Variants in TCF12 observed in about 807,000 individuals in gnomAD.
The protein encoded by TCF12 is transcription factor 12.
Under a neutral mutation model 86.0 loss-of-function variants are expected in TCF12, and 45 were observed. The ratio of observed to expected loss-of-function variants is 0.52; its 90% CI spans 0.41 to 0.67. The LOEUF (loss-of-function observed/expected upper bound fraction) is 0.67, where lower values mean the gene tolerates loss of function less well. TCF12 is among the 30% of genes least tolerant of loss of function. The probability of loss-of-function intolerance (pLI) is 0.00; values close to 1 mark genes in which losing one functional copy is unlikely to be tolerated. For synonymous variants in TCF12, 330 were observed against 299.6 expected, an observed-to-expected ratio of 1.10 and a Z score of -1.05; for missense variants, 881 against 859.9, an observed-to-expected ratio of 1.02 and a Z score of -0.31.
At chr15:56,919,827 T>C (rs747838833) in intron 1 of TCF12, 65 bp from the exon 2 acceptor site, 18 of 1,445,082 alleles carry the variant, frequency 1.2e-5, no homozygotes, top group South Asian at 9.3e-5. Context: ...CCAGTACCTC[T>C]CTCTGTTCCC....
chr15:57,132,993 T>G (rs2052251336), intron 5 of TCF12, among the ~76,000 whole-genome samples: 1 of 152,230 alleles, frequency 6.6e-6, no homozygotes, highest in South Asian at 2.1e-4. Flanking sequence ...TTTAAATTTT[T>G]TTCATGGTCA....
chr15:57,170,997 T>C (rs1464173105), intron 6 of TCF12, among the ~76,000 whole-genome samples: 1 of 149,996 alleles, frequency 6.7e-6, no homozygotes, highest in African/African-American at 2.5e-5. Flanking sequence ...GGACTAGAGT[T>C]CATGCTTTAA....
intron 5 of TCF12, among the ~76,000 whole-genome samples, chr15:57,129,193 C>T (rs1214868775): frequency 3.9e-5 from 6 of 152,208 alleles, no homozygotes; most frequent in Non-Finnish European, 8.8e-5. Context: ...TGCCAACATG[C>T]GTCTGTTCCT....
chr15:57,186,411 A>G (rs1283508359), intron 6 of TCF12, among the ~76,000 whole-genome samples: 1 of 152,162 alleles, frequency 6.6e-6, no homozygotes, highest in East Asian at 1.9e-4. Flanking sequence ...AGGCCAGAGG[A>G]TCACATGAGC....
chr15:57,133,372 A>G (rs1034212891), intron 5 of TCF12, among the ~76,000 whole-genome samples: 1 of 152,334 alleles, frequency 6.6e-6, no homozygotes, highest in Admixed American at 6.5e-5. Context: ...GAAGGTTATT[A>G]GAATGCTAGT....
chr15:57,086,551 A>G (rs1279143946), intron 4 of TCF12, among the ~76,000 whole-genome samples: 2 of 152,058 alleles, frequency 1.3e-5, no homozygotes, highest in African/African-American at 4.8e-5. Context: ...TGGATAATTA[A>G]ATAGGCAGTT....
intron 11 of TCF12, 66 bp downstream of exon 11, chr15:57,232,922 A>G (rs567580506): frequency 9.5e-7 from 1 of 1,054,098 alleles, no homozygotes; most frequent in Non-Finnish European, 1.3e-6. Context: ...CGATATCTTT[A>G]TATATATATA....
At chr15:57,002,397 A>G (rs544151241) in intron 3 of TCF12, among the ~76,000 whole-genome samples, 12 of 152,348 alleles carry the variant, frequency 7.9e-5, no homozygotes, top group African/African-American at 2.9e-4. Context: ...ATCATACTCA[A>G]TCACAATGTT....
chr15:57,127,125 C>T (rs917124877), intron 5 of TCF12, among the ~76,000 whole-genome samples: 12 of 151,516 alleles, frequency 7.9e-5, no homozygotes, highest in African/African-American at 1.9e-4. Flanking sequence ...TGGGATTACA[C>T]GCACCCACCA....
intron 18 of TCF12, among the ~76,000 whole-genome samples, chr15:57,271,204 C>G (rs2152090905): frequency 6.6e-6 from 1 of 152,342 alleles, no homozygotes; most frequent in East Asian, 1.9e-4. Context: ...GTAGGCCTTG[C>G]TAGGCTGCGG....
rs529943161 is a variant in TCF12 at position 57,022,054 on chromosome 15, T to TTATG, written c.149-41672_149-41669dup. Reference sequence around the variant, plus strand: ...TTGTCAGGCAGATCTTTTCTTTTTTTTATGTATGTATGTATGTATGTATGT... The same window carrying TTATG: ...TTGTCAGGCAGATCTTTTCTTTTTTTTATGTATGTATGTATGTATGTATGTATGT... On this transcript the variant is annotated intron_variant, in intron 3 of 20. Coordinates refer to ENST00000333725, the MANE Select transcript of TCF12 (RefSeq NM_207037.2). 6.4e-3 allele frequency among the ~76,000 whole-genome samples: 974 copies of TTATG among 152,108 alleles called. 6 individuals carry two copies. The highest frequency in any genetic ancestry group is 0.027 in the Middle Eastern group (8 of 294).
intron 6 of TCF12, among the ~76,000 whole-genome samples, chr15:57,179,803 C>T (rs1196795541): frequency 6.6e-6 from 1 of 151,878 alleles, no homozygotes; most frequent in African/African-American, 2.4e-5. Context: ...CCCCCTTCTT[C>T]CTCCCCCAAA....
At chr15:57,140,377 A>G (rs1474521690) in intron 5 of TCF12, among the ~76,000 whole-genome samples, 1 of 152,242 alleles carries the variant, frequency 6.6e-6, no homozygotes, top group Non-Finnish European at 1.5e-5. Context: ...TCAGATTCAT[A>G]AAGACAGATT....
intron 5 of TCF12, among the ~76,000 whole-genome samples, chr15:57,093,682 G>A (rs1324140016): frequency 6.6e-6 from 1 of 152,072 alleles, no homozygotes; most frequent in African/African-American, 2.4e-5. Flanking sequence ...TTTCTCAGTT[G>A]GAGCAATTAC....
chr15:57,018,876 C>T (rs2065306633), intron 3 of TCF12, among the ~76,000 whole-genome samples: 1 of 152,148 alleles, frequency 6.6e-6, no homozygotes, highest in South Asian at 2.1e-4. Context: ...GCCACGCTAA[C>T]TACTGGTTCT....
At chr15:57,243,688 GCCTT>G (rs1275915361) in intron 13 of TCF12, 138 bp downstream of exon 13, 5 of 660,886 alleles carry the variant, frequency 7.6e-6, no homozygotes, top group Non-Finnish European at 5.1e-6. Context: ...TGTAAAGAGA[GCCTT>G]CCTCTTGAAT....
chr15:57,108,681 G>T (rs553361882), intron 5 of TCF12, among the ~76,000 whole-genome samples: 1 of 151,948 alleles, frequency 6.6e-6, no homozygotes, highest in East Asian at 1.9e-4. Flanking sequence ...GACATTGTTG[G>T]GGGGTAGGAG....
At chr15:57,077,598 T>C (rs773213786) in intron 4 of TCF12, among the ~76,000 whole-genome samples, 11 of 152,026 alleles carry the variant, frequency 7.2e-5, no homozygotes, top group African/African-American at 1.4e-4. Flanking sequence ...GCCTAATTTG[T>C]ATATTTTTTT....
intron 3 of TCF12, among the ~76,000 whole-genome samples, chr15:56,967,853 T>C (rs1447178211): frequency 1.3e-5 from 2 of 152,080 alleles, no homozygotes; most frequent in Non-Finnish European, 2.9e-5. Context: ...TCCAGAAAAG[T>C]GTGAATGTTG....
Sources: allele counts gnomAD v4.1 joint callset (sites outside exome capture counted in the v4.1 genomes callset), GRCh38; gene constraint gnomAD v4.1.1; transcripts MANE v1.5; gene names NCBI Gene and HGNC (gene_info 2026-07-23, HGNC 2026-07-21).